The following ZNF34 variants were observed in gnomAD, a reference collection of about 807,000 sequenced individuals.
ZNF34 encodes the protein zinc finger protein 34 (KOX 32).
ZNF34 carries 8 observed loss-of-function variants against 14.4 expected under a neutral mutation model. That is an observed-to-expected ratio of 0.55 (90% confidence interval 0.33 to 1.00). ZNF34 has a LOEUF of 1.00. Among genes scored for constraint, ZNF34 ranks in the 50% least tolerant of loss-of-function variants. The pLI is 0.03. For missense variants in ZNF34, 538 were observed against 674.2 expected (o/e 0.80, Z 2.24); for synonymous variants, 235 against 247.9 (o/e 0.95, Z 0.49).
At position 144,780,237 on chromosome 8, in the gene ZNF34, G is replaced by A. The variant is rs570111852; in HGVS notation, c.-64C>T. The A allele has an allele frequency of 2.5e-5, 38 of 1,549,526 alleles. No individual in the cohort carries two copies. The highest frequency in any genetic ancestry group is 1.6e-4 in the African/African-American group (12 of 72,950). ...AATAAGATTGACTCACCTACCAGAAGCATGAGACTCTCGGATTAGATACAT... is the reference window on the plus strand; with the variant it reads ...AATAAGATTGACTCACCTACCAGAAACATGAGACTCTCGGATTAGATACAT... On this transcript the variant is annotated 5_prime_UTR_variant, in exon 2 of 6. Coordinates refer to ENST00000429371, the MANE Select transcript of ZNF34 (RefSeq NM_001286769.2).
chr8:144,774,019 G>A lies in ZNF34; in HGVS notation c.867C>T (p.Asp289=), dbSNP rs372677118. The part of the protein sequence containing the change: ...MHSGEIPYRC[D]ECGKTFTRRP... The stretch of plus-strand genomic sequence containing the variant: ...TCCGGGTGAATGTCTTCCCACACTC[G>A]TCACACCGGTAGGGAATCTCTCCTG... The change falls in exon 6 of 6, where the codon GAC becomes GAT. Residue 289 remains aspartate (D), a synonymous_variant. Coordinates refer to ENST00000429371, the MANE Select transcript of ZNF34 (RefSeq NM_001286769.2). 1.2e-4 allele frequency: 195 copies of A among 1,613,820 alleles called. No homozygotes were observed. Among genetic ancestry groups the A allele is most frequent in the Middle Eastern group, 1.6e-4 (1 of 6,084 alleles).
In ZNF34 at chr8:144,773,708, G is replaced by T. The variant is rs779128136; in HGVS notation, c.1178C>A (p.Thr393Asn). The change falls in exon 6 of 6, where the codon ACT (threonine) becomes AAT (asparagine). Residue 393 changes from threonine to asparagine, a missense_variant. Physicochemically the swap from Thr to Asn is moderately conservative, Grantham distance 65. This residue lies in a region of ZNF34 where 431 missense variants were observed against 525.7 expected (regional missense o/e 0.82). Coordinates refer to ENST00000429371, the MANE Select transcript of ZNF34 (RefSeq NM_001286769.2). The surrounding 1 kb of genome is among the most constrained non-coding windows in gnomAD (Gnocchi z 5.4). ...SNLIQHQRIH[T>N]GEKPYKCNEC... Reference sequence around the variant, plus strand: ...ATTACATTTATAGGGTTTCTCTCCAGTGTGAATTCTCTGATGTTGGATAAG... The same window carrying T: ...ATTACATTTATAGGGTTTCTCTCCATTGTGAATTCTCTGATGTTGGATAAG... 3 of 1,613,988 alleles carry T rather than the reference G, an allele frequency of 1.9e-6. No homozygotes were observed. In the Admixed American group the frequency reaches 5.0e-5, roughly 27 times the overall value.
At chr8:144,782,861 A>AAAAAAAAAAAAAAAG (rs1825979672) in intron 1 of ZNF34, among the ~76,000 whole-genome samples, 1 of 148,794 alleles carries the variant, frequency 6.7e-6, no homozygotes, top group Non-Finnish European at 1.5e-5. Flanking sequence ...AAAAAAAAAA[A>AAAAAAAAAAAAAAAG]AAAAAAAAAA....
chr8:144,776,746 T>TA (rs1214842135), intron 5 of ZNF34, among the ~76,000 whole-genome samples: 3 of 151,648 alleles, frequency 2.0e-5, no homozygotes, highest in Admixed American at 1.3e-4. Context: ...CTCGTCTCTG[T>TA]AAAAAAATCA....
At chr8:144,785,468 G>T (rs1168759268) in intron 1 of ZNF34, 1 of 152,210 alleles carries the variant, frequency 6.6e-6, no homozygotes. Flanking sequence ...CTAAGGAAGG[G>T]TGAATCAGCT....
chr8:144,773,524 G>A lies in ZNF34; in HGVS notation c.1362C>T (p.Tyr454=). 1 of 1,614,192 alleles carries A rather than the reference G, an allele frequency of 6.2e-7. No individual in the cohort carries two copies. The highest frequency in any genetic ancestry group is 8.5e-7 in the Non-Finnish European group (1 of 1,180,034). ...AGGCCTTCCCACACTCGCTGCACTT[G>A]TAGGGCTTCTCTCCTGTGTGGATTC... The part of the protein sequence containing the change: ...HQRIHTGEKP[Y]KCSECGKAFH... The change falls in exon 6 of 6, where the codon TAC becomes TAT. Residue 454 remains tyrosine, a synonymous_variant. Transcript: ENST00000429371. This position sits in a 1 kb window ranked among gnomAD's most constrained non-coding sequence, Gnocchi z 5.4.
At chr8:144,781,060 G>A (rs958807005) in intron 1 of ZNF34, among the ~76,000 whole-genome samples, 4 of 150,442 alleles carry the variant, frequency 2.7e-5, no homozygotes, top group South Asian at 4.2e-4. Context: ...GGTGTGAACC[G>A]GGAGGCAGAG....
Position 144,787,271 on chromosome 8 carries a change from ACACT to A in ZNF34, c.-108+4_-108+7del, listed in dbSNP as rs1468694374. ...CCGCGCGCCCGCCCCCGCCGGGCTC[ACACT>A]CACCTCAGCGCCGCCGAGCAGCACG... On this transcript the variant is annotated splice_donor_5th_base_variant and intron_variant, in intron 1 of 5. Transcript: ENST00000429371. 3.9e-5 allele frequency: 6 copies of A among 152,656 alleles called. No individual in the cohort carries two copies. Among genetic ancestry groups the A allele is most frequent in the African/African-American group, 9.6e-5 (4 of 41,456 alleles). The allele number at this position is 152,656 out of a possible 1,614,324, so 9.5% of individuals were successfully genotyped here.
At chr8:144,781,478 G>A (rs1057326141) in intron 1 of ZNF34, among the ~76,000 whole-genome samples, 1 of 151,964 alleles carries the variant, frequency 6.6e-6, no homozygotes, top group Non-Finnish European at 1.5e-5. Flanking sequence ...GGATGGTCTT[G>A]ATCTCCTGAC....
chr8:144,781,629 C>T (rs992343022), intron 1 of ZNF34, among the ~76,000 whole-genome samples: 1 of 151,990 alleles, frequency 6.6e-6, no homozygotes, highest in Non-Finnish European at 1.5e-5. Context: ...ATAGAGAACA[C>T]ACATTGTTTT....
In ZNF34 at chr8:144,773,657, T is replaced by C. The variant is rs1390242137; in HGVS notation, c.1229A>G (p.Lys410Arg). 1 of 1,614,092 alleles carries C rather than the reference T, an allele frequency of 6.2e-7. No homozygotes were observed. Among genetic ancestry groups the C allele is most frequent in the Non-Finnish European group, 8.5e-7 (1 of 1,179,960 alleles). Residue 410 changes from lysine to arginine, a missense_variant, in exon 6 of 6, where the codon AAA becomes AGA. This residue lies in a region of ZNF34 where 431 missense variants were observed against 525.7 expected (regional missense o/e 0.82). Transcript: ENST00000429371. The surrounding 1 kb of genome is among the most constrained non-coding windows in gnomAD (Gnocchi z 5.4). ...TCTCTGATGTTCCACGAGTTTGGTT[T>C]TTTGAATGAAAGCTTTCTCACATTC... is the stretch of plus-strand genomic sequence containing the variant. ...CNECEKAFIQ[K>R]TKLVEHQRSH...
intron 1 of ZNF34, among the ~76,000 whole-genome samples, chr8:144,781,133 T>TTAAATAAA (rs1825852329): frequency 6.0e-5 from 4 of 66,840 alleles, no homozygotes; most frequent in African/African-American, 2.3e-4. Context: ...AGACTCCATC[T>TTAAATAAA]CAAATAAATA....
Position 144,774,542 on chromosome 8 carries a change from G to T in ZNF34, c.344C>A (p.Pro115His), listed in dbSNP as rs776768748. 2.5e-6 allele frequency: 4 copies of T among 1,613,886 alleles called. No individual in the cohort carries two copies. In the Admixed American group the frequency reaches 5.0e-5, roughly 20 times the overall value. ...GGCTTCTACTGGCTCAGATCCCTGG[G>T]GATCTTCCTCACCAAATGTCTCCTG... ...TSQETFGEED[P>H]QGSEPVEACD... The change falls in exon 6 of 6, where the codon CCC becomes CAC. Residue 115 changes from proline to histidine, a missense_variant. Transcript: ENST00000429371.
At chr8:144,783,230 A>T (rs1372861297) in intron 1 of ZNF34, among the ~76,000 whole-genome samples, 2 of 152,142 alleles carry the variant, frequency 1.3e-5, no homozygotes, top group Non-Finnish European at 2.9e-5. Context: ...TAGTTCTCAG[A>T]GTGTGGCTCA....
At position 144,784,033 on chromosome 8, in the gene ZNF34, G is replaced by A. The variant is rs113659828; in HGVS notation, c.-108+3246C>T. The stretch of plus-strand genomic sequence containing the variant: ...AATTAGCCCGGCCATGGTGGCAGGC[G>A]CCTGTAGTCCCAGCTACTCGGGAGG... On this transcript the variant is annotated intron_variant, in intron 1 of 5. Transcript: ENST00000429371. 3.3e-5 allele frequency among the ~76,000 whole-genome samples: 5 copies of A among 151,996 alleles called. No homozygotes were observed. The South Asian group carries it at 6.2e-4, about 19-fold the overall frequency.
chr8:144,777,513 C>T lies in ZNF34; in HGVS notation c.225G>A (p.Trp75Ter). 6.4e-7 allele frequency: 1 copy of T among 1,554,230 alleles called. No homozygotes were observed. The highest frequency in any genetic ancestry group is 8.7e-7 in the Non-Finnish European group (1 of 1,148,434). The change falls in exon 5 of 6, where the codon TGG becomes TGA. Residue 75 changes from tryptophan (W) to a stop codon, truncating the protein, a stop_gained. Coordinates refer to ENST00000429371, the MANE Select transcript of ZNF34 (RefSeq NM_001286769.2). LOFTEE classifies it high-confidence loss of function. The surrounding 1 kb of genome is among the most constrained non-coding windows in gnomAD (Gnocchi z 4.8). ...CAGAGGTGCCCTGAACATCCAGGACCCAGGGCTCATCCCCTCGCTCCAACT... is the reference window on the plus strand; with the variant it reads ...CAGAGGTGCCCTGAACATCCAGGACTCAGGGCTCATCCCCTCGCTCCAACT... ...ISQLERGDEP[W>*]VLDVQGTSGK...
At chr8:144,776,888 G>C (rs1825551985) in intron 5 of ZNF34, among the ~76,000 whole-genome samples, 1 of 145,236 alleles carries the variant, frequency 6.9e-6, no homozygotes, top group Non-Finnish European at 1.5e-5. Context: ...CTCCAGCCTG[G>C]GTGATAGAGG....
At chr8:144,785,901 T>C (rs1166886640) in intron 1 of ZNF34, among the ~76,000 whole-genome samples, 1 of 151,456 alleles carries the variant, frequency 6.6e-6, no homozygotes, top group Non-Finnish European at 1.5e-5. Context: ...TGGAAAGTAA[T>C]GTCAAGGAGA....
At chr8:144,781,452 T>G (rs974353018) in intron 1 of ZNF34, among the ~76,000 whole-genome samples, 2 of 151,876 alleles carry the variant, frequency 1.3e-5, no homozygotes, top group African/African-American at 4.8e-5. Context: ...GAGACGGAGT[T>G]TCACCGTGCT....
Sources: gnomAD v4.1 joint callset for allele counts (sites outside exome capture counted in the v4.1 genomes callset) on GRCh38, gnomAD v4.1.1 for gene constraint, gnomAD v4.1.1 regional missense constraint, Gnocchi (gnomAD v3.1) non-coding constraint, MANE v1.5 for transcripts, NCBI Gene and HGNC (gene_info 2026-07-23, HGNC 2026-07-21) for gene names.